The following TUBA1C variants were observed in gnomAD, a reference collection of about 807,000 sequenced individuals.
TUBA1C encodes tubulin alpha-1C chain.
In TUBA1C, 16 loss-of-function variants were observed where a neutral mutation model predicts 34.9. That is an observed-to-expected ratio of 0.46 (90% CI 0.31 to 0.70). The LOEUF is 0.70. Ranked by LOEUF, TUBA1C falls within the 30% of genes least tolerant of loss-of-function variation. The pLI is 0.05. For missense variants in TUBA1C, 329 were observed against 587.3 expected, an observed-to-expected ratio of 0.56 and a Z score of 4.55; for synonymous variants, 177 against 215.9, an observed-to-expected ratio of 0.82 and a Z score of 1.58.
chr12:49,250,067 G>A (rs559837653), intron 1 of TUBA1C, among the ~76,000 whole-genome samples: 1 of 151,612 alleles, frequency 6.6e-6, no homozygotes, highest in Admixed American at 6.6e-5. Flanking sequence ...GTGTGGTGGC[G>A]GGTGCCTGTA....
intron 1 of TUBA1C, among the ~76,000 whole-genome samples, chr12:49,266,277 A>T (rs1719216729): frequency 6.7e-6 from 1 of 149,734 alleles, no homozygotes; most frequent in Non-Finnish European, 1.5e-5. Flanking sequence ...AAAAAAAAAA[A>T]AAATTAGCTG....
At chr12:49,264,888 C>G (rs542983234), upstream of TUBA1C, 75 of 243,576 alleles carry the variant, frequency 3.1e-4, no homozygotes, top group Admixed American at 8.9e-4. Flanking sequence ...CTCCTGGCTC[C>G]TTCCGACGAG....
At chr12:49,229,611 C>A (rs964446214) in intron 1 of TUBA1C, among the ~76,000 whole-genome samples, 3 of 152,106 alleles carry the variant, frequency 2.0e-5, no homozygotes, top group Admixed American at 1.3e-4. Context: ...AGTCCTCTCC[C>A]CAAAGAAACC....
At chr12:49,238,061 ATTG>A (rs138841626) in intron 1 of TUBA1C, among the ~76,000 whole-genome samples, 2,483 of 151,190 alleles carry the variant, frequency 0.016, 69 homozygotes, top group African/African-American at 0.057. Flanking sequence ...GTGAGCCAAG[ATTG>A]TTCCACTGCA....
chr12:49,230,781 C>A (rs574662206), intron 1 of TUBA1C, among the ~76,000 whole-genome samples: 1 of 152,198 alleles, frequency 6.6e-6, no homozygotes, highest in Non-Finnish European at 1.5e-5. Context: ...TGGAGGTCAT[C>A]ATGAGATGTT....
rs917213465 is a variant in TUBA1C, at chr12:49,265,386, G to C, written c.3+202G>C. 5.9e-5 allele frequency among the ~76,000 whole-genome samples: 9 copies of C among 152,354 alleles called. 1 individual carries two copies. Among genetic ancestry groups the C allele is most frequent in the Non-Finnish European group, 1.2e-4 (8 of 68,018 alleles). On this transcript the variant is annotated intron_variant, in intron 1 of 3. Coordinates refer to ENST00000301072, the MANE Select transcript of TUBA1C (RefSeq NM_032704.5). ...CAGTTCGGGCCGGAAAACCTGGCCC[G>C]GGTGCGGCCATCAGTGGAAATGGAA...
intron 1 of TUBA1C, among the ~76,000 whole-genome samples, chr12:49,268,883 G>C (rs1942951082): frequency 6.6e-6 from 1 of 152,160 alleles, no homozygotes; most frequent in Admixed American, 6.5e-5. Context: ...AGCTGGAAAG[G>C]GGAATTTTGC....
intron 1 of TUBA1C, among the ~76,000 whole-genome samples, chr12:49,255,659 A>G (rs1942776617): frequency 6.6e-6 from 1 of 152,052 alleles, no homozygotes; most frequent in South Asian, 2.1e-4. Context: ...CCCAGGTTCA[A>G]GCGATTCTCC....
chr12:49,264,520 C>G (rs1942873951), upstream of TUBA1C: 1 of 152,112 alleles, frequency 6.6e-6, no homozygotes, highest in East Asian at 1.9e-4. Context: ...GCCAGGACTC[C>G]GAGGCGGAAC....
intron 1 of TUBA1C, among the ~76,000 whole-genome samples, chr12:49,247,053 T>C (rs1375154120): frequency 1.3e-5 from 2 of 150,234 alleles, no homozygotes; most frequent in East Asian, 2.0e-4. Context: ...CACAGGAGAA[T>C]TGCATGAACC....
Position 49,266,434 on chromosome 12 carries a change from C to CA in TUBA1C, c.3+1259dup, listed in dbSNP as rs934400855. ...GACAGAGCAAGACTCCGTCCAAAAA[C>CA]AAAAAAAAACCCGCAAACCCCAGAG... On this transcript the variant is annotated intron_variant, in intron 1 of 3. Coordinates refer to ENST00000301072, the MANE Select transcript of TUBA1C (RefSeq NM_032704.5). 1.5e-3 allele frequency among the ~76,000 whole-genome samples: 222 copies of CA among 150,280 alleles called. 1 individual carries two copies. Among genetic ancestry groups the CA allele is most frequent in the South Asian group, 0.01 (48 of 4,758 alleles).
intron 1 of TUBA1C, among the ~76,000 whole-genome samples, chr12:49,230,408 G>C (rs566539667): frequency 2.6e-5 from 4 of 152,158 alleles, no homozygotes; most frequent in Non-Finnish European, 5.9e-5. Context: ...GAGGCCTGGG[G>C]CAGGTACAGT....
At chr12:49,229,935 G>A (rs1410083690) in intron 1 of TUBA1C, among the ~76,000 whole-genome samples, 1 of 152,022 alleles carries the variant, frequency 6.6e-6, no homozygotes. Context: ...CTATAGGCGT[G>A]TACCACCATA....
chr12:49,262,748 C>A (rs533324046), upstream of TUBA1C, among the ~76,000 whole-genome samples: 117 of 152,178 alleles, frequency 7.7e-4, no homozygotes, highest in African/African-American at 2.7e-3. Flanking sequence ...CCATTGCACT[C>A]CAGCCTGGGC....
At chr12:49,248,375 G>A (rs1942695727) in intron 1 of TUBA1C, among the ~76,000 whole-genome samples, 1 of 151,622 alleles carries the variant, frequency 6.6e-6, no homozygotes, top group Non-Finnish European at 1.5e-5. Context: ...TTCAAAACCA[G>A]CCTGGCCAAC....
chr12:49,271,592 C>T (rs139769854), intron 3 of TUBA1C, among the ~76,000 whole-genome samples: 2 of 152,332 alleles, frequency 1.3e-5, no homozygotes, highest in Admixed American at 6.5e-5. Flanking sequence ...TGAATGTGGT[C>T]ATACAGTAAG....
At chr12:49,262,250 AC>A (rs1282804844), upstream of TUBA1C, among the ~76,000 whole-genome samples, 7 of 148,580 alleles carry the variant, frequency 4.7e-5, no homozygotes, top group Admixed American at 4.0e-4. Context: ...CTTCATCTTT[AC>A]AAAAAAAAAA....
At chr12:49,252,799 G>A (rs1057245154) in intron 1 of TUBA1C, among the ~76,000 whole-genome samples, 38 of 152,304 alleles carry the variant, frequency 2.5e-4, no homozygotes, top group African/African-American at 6.7e-4. Context: ...TGTAGTCCCA[G>A]CTACTCGGGA....
chr12:49,238,308 C>T (rs1245657130), intron 1 of TUBA1C, among the ~76,000 whole-genome samples: 2 of 152,144 alleles, frequency 1.3e-5, no homozygotes, highest in African/African-American at 4.8e-5. Flanking sequence ...TGCTGTCACT[C>T]AACAATCAAC....
Sources: gnomAD v4.1 joint callset for allele counts (sites outside exome capture counted in the v4.1 genomes callset) on GRCh38, gnomAD v4.1.1 for gene constraint, MANE v1.5 for transcripts, NCBI Gene and HGNC (gene_info 2026-07-23, HGNC 2026-07-21) for gene names.